Variants in CFAP161 observed in about 807,000 individuals in gnomAD.
The protein encoded by CFAP161 is cilia- and flagella-associated protein 161.
In CFAP161, 25 loss-of-function variants were observed where a neutral mutation model predicts 29.0. The ratio of observed to expected loss-of-function variants is 0.86; its 90% CI spans 0.63 to 1.20. CFAP161 has a LOEUF of 1.20. Among genes scored for constraint, CFAP161 ranks in the 50% most tolerant of loss-of-function variants. The probability of loss-of-function intolerance (pLI) is 0.00; values close to 1 mark genes in which losing one functional copy is unlikely to be tolerated. For synonymous variants in CFAP161, 116 were observed against 137.4 expected, an observed-to-expected ratio of 0.84 and a Z score of 1.09; for missense variants, 367 against 371.9, an observed-to-expected ratio of 0.99 and a Z score of 0.11.
upstream of CFAP161, among the ~76,000 whole-genome samples, chr15:81,131,880 CTAGT>C (rs577065828): frequency 2.6e-5 from 4 of 152,096 alleles, no homozygotes; most frequent in South Asian, 8.3e-4. Context: ...CCAAATATAT[CTAGT>C]TAAAATATTA....
rs866886289 is a variant in CFAP161, at chr15:81,140,649, C to T, written c.477+2514C>T. Among the ~76,000 whole-genome samples, 4 of 152,146 alleles carry T rather than the reference C, an allele frequency of 2.6e-5. No individual in the cohort carries two copies. The South Asian group carries it at 8.3e-4, about 32-fold the overall frequency. ...ACATGGTTCACTGCAGCTTCCACCT[C>T]CCAGGCTCAAGCAATTTTCCTGCCT... On this transcript the variant is annotated intron_variant, in intron 4 of 6. Transcript: ENST00000286732.
At chr15:81,147,790 A>G in intron 5 of CFAP161, 68 bp from the exon 6 acceptor site, 1 of 1,247,828 alleles carries the variant, frequency 8.0e-7, no homozygotes, top group South Asian at 1.5e-5. Flanking sequence ...CTTTTAGGTA[A>G]GCTTTTCCCT....
intron 1 of CFAP161, among the ~76,000 whole-genome samples, chr15:81,109,109 C>T (rs1381253739): frequency 1.3e-5 from 2 of 152,152 alleles, no homozygotes; most frequent in Admixed American, 6.5e-5. Context: ...TGCTCATGCT[C>T]TGGCTAACTT....
At chr15:81,133,227 A>ATTTTTTT (rs111496841), upstream of CFAP161, among the ~76,000 whole-genome samples, 2 of 50,406 alleles carry the variant, frequency 4.0e-5, no homozygotes, top group African/African-American at 1.4e-4. Context: ...ATATATATGT[A>ATTTTTTT]TTTTTTTTTA....
intron 1 of CFAP161, among the ~76,000 whole-genome samples, chr15:81,117,329 A>T (rs1472598381): frequency 1.3e-5 from 2 of 152,166 alleles, no homozygotes; most frequent in African/African-American, 4.8e-5. Context: ...TGTAATTGGT[A>T]GCCACAGATG....
intron 1 of CFAP161, among the ~76,000 whole-genome samples, chr15:81,126,946 A>G (rs985862138): frequency 2.6e-5 from 4 of 152,234 alleles, no homozygotes; most frequent in Non-Finnish European, 2.9e-5. Flanking sequence ...GATAGAGAAC[A>G]TGTAAGACTC....
upstream of CFAP161, among the ~76,000 whole-genome samples, chr15:81,129,369 G>A (rs990029848): frequency 6.6e-6 from 1 of 152,096 alleles, no homozygotes; most frequent in African/African-American, 2.4e-5. Context: ...GAGGTTAATA[G>A]ACTCATTTCC....
intron 1 of CFAP161, among the ~76,000 whole-genome samples, chr15:81,122,617 T>C (rs1894589175): frequency 6.6e-6 from 1 of 151,796 alleles, no homozygotes; most frequent in African/African-American, 2.4e-5. Flanking sequence ...TTAGCCTCCC[T>C]TGTAGCTGGG....
rs376487839 is a variant in CFAP161 at position 81,136,554 on chromosome 15, C to T, written c.198C>T (p.Tyr66=). The change falls in exon 3 of 7, where the codon TAC becomes TAT. Residue 66 remains tyrosine, a synonymous_variant. Coordinates refer to ENST00000286732, the MANE Select transcript of CFAP161 (RefSeq NM_173528.4). ...TAACTGAAGATGGCTATATTCATTA[C>T]GGTGACAAAGTGATGCTTGTGAATC... The part of the protein sequence containing the change: ...LSVTEDGYIH[Y]GDKVMLVNPD... 3.4e-5 allele frequency: 55 copies of T among 1,614,032 alleles called. No individual in the cohort carries two copies. The African/African-American group carries it at 3.9e-4, about 11-fold the overall frequency.
At chr15:81,110,217 T>C (rs1371624827) in intron 1 of CFAP161, among the ~76,000 whole-genome samples, 1 of 152,190 alleles carries the variant, frequency 6.6e-6, no homozygotes, top group African/African-American at 2.4e-5. Flanking sequence ...ATATTTGTTT[T>C]ATGTAATTGA....
chr15:81,131,829 T>C (rs1315962186), upstream of CFAP161, among the ~76,000 whole-genome samples: 1 of 152,040 alleles, frequency 6.6e-6, no homozygotes, highest in Non-Finnish European at 1.5e-5. Flanking sequence ...AATTTACATA[T>C]TCAGGCAGCT....
At chr15:81,130,765 C>G (rs138413390), upstream of CFAP161, among the ~76,000 whole-genome samples, 285 of 152,252 alleles carry the variant, frequency 1.9e-3, no homozygotes, top group Middle Eastern at 3.4e-3. Context: ...AACACTTGAA[C>G]ACTTAGTGGC....
At chr15:81,102,458 A>G (rs1198421687) in intron 1 of CFAP161, among the ~76,000 whole-genome samples, 2 of 152,186 alleles carry the variant, frequency 1.3e-5, no homozygotes, top group Non-Finnish European at 2.9e-5. Context: ...GCTTGAGCCC[A>G]GGAGTTCAAG....
chr15:81,144,142 C>T (rs1894966161), intron 5 of CFAP161, among the ~76,000 whole-genome samples: 1 of 152,244 alleles, frequency 6.6e-6, no homozygotes. Flanking sequence ...TAGAGTTTCT[C>T]ACCTCTGGCT....
At chr15:81,138,182 G>T in intron 4 of CFAP161, 47 bp downstream of exon 4, 1 of 1,452,744 alleles carries the variant, frequency 6.9e-7, no homozygotes. Flanking sequence ...CATTTCTGTT[G>T]CCCAAAATGG....
chr15:81,105,703 A>G (rs1464910479), intron 1 of CFAP161, among the ~76,000 whole-genome samples: 2 of 152,202 alleles, frequency 1.3e-5, no homozygotes, highest in African/African-American at 4.8e-5. Context: ...CCGGGCTGCT[A>G]TGAGATCCAG....
chr15:81,100,947 G>A (rs1894297067), intron 1 of CFAP161, among the ~76,000 whole-genome samples: 1 of 152,158 alleles, frequency 6.6e-6, no homozygotes, highest in Non-Finnish European at 1.5e-5. Context: ...TTAAGTCTGT[G>A]TTACTAGTTC....
intron 2 of CFAP161, among the ~76,000 whole-genome samples, chr15:81,136,184 A>AT (rs926317305): frequency 6.6e-6 from 1 of 152,272 alleles, no homozygotes. Flanking sequence ...GTTTACCTGC[A>AT]TTTTACAAAT....
chr15:81,137,958 T>G (rs1206131886), intron 3 of CFAP161, 93 bp from the exon 4 acceptor site: 1 of 913,430 alleles, frequency 1.1e-6, no homozygotes, highest in Non-Finnish European at 1.7e-6. Context: ...AAAAACTGAT[T>G]ATAAACAAAA....
Sources: gnomAD v4.1 joint callset for allele counts (sites outside exome capture counted in the v4.1 genomes callset) on GRCh38, gnomAD v4.1.1 for gene constraint, MANE v1.5 for transcripts, NCBI Gene and HGNC (gene_info 2026-07-23, HGNC 2026-07-21) for gene names.